The following NR1H3 variants were observed in gnomAD, a reference collection of about 807,000 sequenced individuals.
NR1H3 encodes the protein oxysterols receptor LXR-alpha.
Under a neutral mutation model 48.1 loss-of-function variants are expected in NR1H3, and 19 were observed. That is an observed-to-expected ratio of 0.40 (90% CI 0.28 to 0.58). NR1H3 has a LOEUF of 0.58. Ranked by LOEUF, NR1H3 falls within the 20% of genes least tolerant of loss-of-function variation. The probability of loss-of-function intolerance (pLI) is 0.50; values close to 1 mark genes in which losing one functional copy is unlikely to be tolerated. For missense variants in NR1H3, 486 were observed against 595.9 expected (o/e 0.82, Z 1.92); for synonymous variants, 232 against 227.3 (o/e 1.02, Z -0.19).
chr11:47,266,524 G>C (rs145672619), intron 7 of NR1H3, among the ~76,000 whole-genome samples: 11,697 of 152,086 alleles, frequency 0.077, 520 homozygotes, highest in South Asian at 0.11. Context: ...AGTAGAGACC[G>C]GGTTTCACTG....
At position 47,260,493 on chromosome 11, in the gene NR1H3, C is replaced by T. The variant is rs781012781; in HGVS notation, c.317C>T (p.Ser106Leu). The T allele has an allele frequency of 8.7e-6, 14 of 1,614,274 alleles. No individual in the cohort carries two copies. Among genetic ancestry groups the T allele is most frequent in the Admixed American group, 3.3e-5 (2 of 60,026 alleles). ...ELCSVCGDKA[S>L]GFHYNVLSCE... Reference sequence around the variant, plus strand: ...TGCAGCGTGTGTGGGGACAAGGCCTCGGGCTTCCACTACAATGTTCTGAGC... The same window carrying T: ...TGCAGCGTGTGTGGGGACAAGGCCTTGGGCTTCCACTACAATGTTCTGAGC... Residue 106 changes from serine (S) to leucine (L), a missense_variant, in exon 4 of 10, where the codon TCG becomes TTG. Physicochemically the swap from Ser to Leu is moderately radical, Grantham distance 145. Transcript: ENST00000441012.
chr11:47,257,655 A>T (rs752776074), upstream of NR1H3: 21 of 985,212 alleles, frequency 2.1e-5, no homozygotes, highest in Non-Finnish European at 2.5e-5. Flanking sequence ...GAGGGGAGGG[A>T]ACACGATTCT....
chr11:47,249,100 G>A (rs1299608830), intron 1 of NR1H3: 2 of 1,178,688 alleles, frequency 1.7e-6, no homozygotes, highest in African/African-American at 1.5e-5. Flanking sequence ...CCCTTACCAA[G>A]GTGGCACTTG....
intron 7 of NR1H3, among the ~76,000 whole-genome samples, chr11:47,266,715 T>C (rs1462723304): frequency 6.6e-6 from 1 of 150,954 alleles, no homozygotes; most frequent in African/African-American, 2.4e-5. Context: ...GATCTCGGCT[T>C]ACTGCAACCT....
intron 1 of NR1H3, 155 bp from the exon 2 acceptor site, chr11:47,259,025 G>A (rs1173914351): frequency 1.5e-6 from 2 of 1,326,162 alleles, no homozygotes; most frequent in Non-Finnish European, 2.0e-6. Context: ...AAACATAATA[G>A]TAATATAATA....
At chr11:47,268,441 C>T in intron 9 of NR1H3, 86 bp downstream of exon 9, 3 of 1,588,508 alleles carry the variant, frequency 1.9e-6, no homozygotes, top group Non-Finnish European at 2.6e-6. Flanking sequence ...AAGAATTTCT[C>T]TCTGACTGCA....
At position 47,259,821 on chromosome 11, in the gene NR1H3, C is replaced by G. The variant is rs1955640361; in HGVS notation, c.74C>G (p.Ala25Gly). Residue 25 changes from alanine to glycine, a missense_variant, in exon 3 of 10, where the codon GCA becomes GGA. Ala to Gly is a moderately conservative substitution (Grantham distance 60, BLOSUM62 0). Transcript: ENST00000441012. ...DSAVELWKPG[A>G]QDASSQAQGG... Reference sequence around the variant, plus strand: ...GCGGTGGAGCTGTGGAAGCCAGGCGCACAGGATGCAAGCAGCCAGGCCCAG... The same window carrying G: ...GCGGTGGAGCTGTGGAAGCCAGGCGGACAGGATGCAAGCAGCCAGGCCCAG... 1.2e-6 allele frequency: 2 copies of G among 1,612,142 alleles called. No homozygotes were observed. Among genetic ancestry groups the G allele is most frequent in the African/African-American group, 2.7e-5 (2 of 74,868 alleles).
rs1565206389 is a variant in NR1H3, at chr11:47,267,944, C to T, written c.1020C>T (p.Phe340=). Residue 340 remains phenylalanine, a synonymous_variant, in exon 8 of 10, where the codon TTC becomes TTT. Transcript: ENST00000441012. ...AAGTGGAATTCATCAACCCCATCTT[C>T]GAGTTCTCCAGGGCCATGAATGAGC... ...GLQVEFINPI[F]EFSRAMNELQ... The T allele has an allele frequency of 1.9e-6, 3 of 1,614,102 alleles. No homozygotes were observed. Among genetic ancestry groups the T allele is most frequent in the South Asian group, 1.1e-5 (1 of 91,080 alleles).
chr11:47,249,123 C>A, intron 1 of NR1H3: 1 of 928,650 alleles, frequency 1.1e-6, no homozygotes, highest in Non-Finnish European at 1.5e-6. Context: ...GTGGGCGGGA[C>A]CATGTCTGGA....
chr11:47,268,591 C>A lies in NR1H3; in HGVS notation c.1239C>A (p.Ser413Arg). The A allele has an allele frequency of 6.2e-7, 1 of 1,614,198 alleles. No homozygotes were observed. Among genetic ancestry groups the A allele is most frequent in the South Asian group, 1.1e-5 (1 of 91,084 alleles). ...MFPRMLMKLV[S>R]LRTLSSVHSE... ...CACGGATGCTAATGAAACTGGTGAG[C>A]CTCCGGACCCTGAGCAGCGTCCACT... The change falls in exon 10 of 10, where the codon AGC (serine) becomes AGA (arginine). Residue 413 changes from serine to arginine, a missense_variant. Transcript: ENST00000441012.
chr11:47,259,408 C>T, intron 2 of NR1H3, 149 bp downstream of exon 2: 1 of 1,572,150 alleles, frequency 6.4e-7, no homozygotes, highest in Non-Finnish European at 8.6e-7. Flanking sequence ...CCGCCCAGAT[C>T]ACCTCTCCCC....
At chr11:47,248,312 G>T, upstream of NR1H3, 1 of 1,034,402 alleles carries the variant, frequency 9.7e-7, no homozygotes, top group South Asian at 1.6e-5. Context: ...TTCTAACTTA[G>T]CTAAGCAATG....
chr11:47,248,780 T>A (rs753530705), upstream of NR1H3: 2 of 1,595,968 alleles, frequency 1.3e-6, no homozygotes, highest in South Asian at 2.3e-5. Context: ...CCGGACCGCT[T>A]GCCCGCCATC....
At chr11:47,255,565 C>T (rs1955029808), upstream of NR1H3, among the ~76,000 whole-genome samples, 1 of 76,926 alleles carries the variant, frequency 1.3e-5, no homozygotes, top group Non-Finnish European at 2.4e-5. Context: ...TTCTTTCTTT[C>T]TTTCTTTCTT....
chr11:47,261,480 C>T (rs376201930), intron 5 of NR1H3, 31 bp downstream of exon 5: 24 of 1,610,766 alleles, frequency 1.5e-5, no homozygotes, highest in African/African-American at 1.3e-4. Flanking sequence ...GAGGCGGCTG[C>T]GCCCAGATCA....
chr11:47,252,537 G>A (rs892836340), intron 1 of NR1H3, among the ~76,000 whole-genome samples: 2 of 151,856 alleles, frequency 1.3e-5, no homozygotes, highest in African/African-American at 2.4e-5. Flanking sequence ...GGGATTACAG[G>A]TGTGAGCCAC....
intron 1 of NR1H3, among the ~76,000 whole-genome samples, chr11:47,251,561 G>A (rs539229729): frequency 3.3e-5 from 5 of 152,072 alleles, no homozygotes; most frequent in Non-Finnish European, 7.4e-5. Flanking sequence ...GCCGTGAGCC[G>A]AGATTGTGCC....
chr11:47,249,515 C>T (rs535656298), intron 1 of NR1H3, among the ~76,000 whole-genome samples: 1 of 152,288 alleles, frequency 6.6e-6, no homozygotes, highest in South Asian at 2.1e-4. Context: ...GATGTTCAGA[C>T]TTTACAAACC....
At chr11:47,265,861 A>T (rs1956411376) in intron 7 of NR1H3, among the ~76,000 whole-genome samples, 1 of 151,998 alleles carries the variant, frequency 6.6e-6, no homozygotes, top group South Asian at 2.1e-4. Context: ...ACAGAGCAAG[A>T]CTCTTTGTCT....
Sources: allele counts gnomAD v4.1 joint callset (sites outside exome capture counted in the v4.1 genomes callset), GRCh38; gene constraint gnomAD v4.1.1; transcripts MANE v1.5; gene names NCBI Gene and HGNC (gene_info 2026-07-23, HGNC 2026-07-21).